Variants in TTN observed in about 807,000 individuals in gnomAD.
The protein encoded by TTN is connectin.
Under a neutral mutation model 3,223.0 loss-of-function variants are expected in TTN, and 1,525 were observed. The ratio of observed to expected loss-of-function variants is 0.47; its 90% confidence interval spans 0.45 to 0.49. The LOEUF (loss-of-function observed/expected upper bound fraction) is 0.49. Among genes scored for constraint, TTN ranks in the 20% least tolerant of loss-of-function variants. The pLI, the probability that TTN is intolerant of heterozygous loss-of-function variation, is 0.00. For synonymous variants in TTN, 14,094 were observed against 15,161.0 expected (o/e 0.93, Z 5.17); for missense variants, 40,786 against 43,424.0 (o/e 0.94, Z 5.40).
Position 178,552,599 on chromosome 2 carries a change from A to C in TTN, c.90301T>G (p.Phe30101Val). ...SQLKEQSVLE[F>V]RVFAKNEKGL... ...TTCTCATTTTTGGCAAACACTCTGA[A>C]CTCCAGGACTGACTGCTCCTTAAGT... The change falls in exon 335 of 363, where the codon TTC becomes GTC. Residue 30101 changes from phenylalanine (F) to valine (V), a missense_variant. By Grantham distance (50) the Phe-to-Val change is conservative. Transcript: ENST00000589042. The C allele has an allele frequency of 6.2e-7, 1 of 1,613,668 alleles. No individual in the cohort carries two copies.
rs1251542501 is a variant in TTN, at chr2:178,733,105, T to C, written c.16071A>G (p.Pro5357=). ...CGTTGCGCAAGGGTTTGGTAAAAAATGGAGCAATGTCTCGATCTGTGTGTT... is the reference window on the plus strand; with the variant it reads ...CGTTGCGCAAGGGTTTGGTAAAAAACGGAGCAATGTCTCGATCTGTGTGTT... The part of the protein sequence containing the change: ...TFTVLDRDIA[P]FFTKPLRNVD... Residue 5357 remains proline, a synonymous_variant, in exon 55 of 363, where the codon CCA becomes CCG. Transcript: ENST00000589042. 2 of 1,595,330 alleles carry C rather than the reference T, an allele frequency of 1.3e-6. No individual in the cohort carries two copies. The highest frequency in any genetic ancestry group is 1.7e-4 in the Middle Eastern group (1 of 5,970).
chr2:178,772,063 CA>C (rs762277319), intron 33 of TTN, among the ~76,000 whole-genome samples: 2 of 152,140 alleles, frequency 1.3e-5, no homozygotes, highest in African/African-American at 2.4e-5. Flanking sequence ...AGAAAAAAAT[CA>C]TTTCTTATTT....
chr2:178,638,131 A>T (rs1228021780), intron 223 of TTN, among the ~76,000 whole-genome samples: 1 of 151,968 alleles, frequency 6.6e-6, no homozygotes, highest in Admixed American at 6.6e-5. Flanking sequence ...TGAATAATAA[A>T]AGTACTACGT....
rs1323470679 is a variant in TTN at position 178,530,701 on chromosome 2, C to G, written c.105914G>C (p.Cys35305Ser). Reference sequence around the variant, plus strand: ...CCTTAATACACTGCTTTCAACCACACAGGTCAGTTTTGCAATCTCTTTAGA... The same window carrying G: ...CCTTAATACACTGCTTTCAACCACAGAGGTCAGTTTTGCAATCTCTTTAGA... Reference protein sequence around the residue: ...EASKEIAKLTCVVESSVLRAK... With the variant: ...EASKEIAKLTSVVESSVLRAK... Residue 35305 changes from cysteine to serine, a missense_variant, in exon 358 of 363, where the codon TGT becomes TCT. Transcript: ENST00000589042. 1.9e-6 allele frequency: 3 copies of G among 1,613,992 alleles called. No homozygotes were observed. In the South Asian group the frequency reaches 3.3e-5, roughly 18 times the overall value.
intron 2 of TTN, 103 bp downstream of exon 2, chr2:178,804,449 G>A: frequency 8.6e-7 from 1 of 1,161,114 alleles, no homozygotes; most frequent in Non-Finnish European, 1.3e-6. Context: ...ATTTTCCGAA[G>A]TGAAAGCAGG....
chr2:178,650,140 C>T, intron 210 of TTN, 24 bp downstream of exon 210: 12 of 1,526,384 alleles, frequency 7.9e-6, no homozygotes, highest in Non-Finnish European at 1.1e-5. Flanking sequence ...TGTATTTTCC[C>T]ATACAGTGGA....
Position 178,575,735 on chromosome 2 carries a change from C to G in TTN, c.70397G>C (p.Arg23466Pro). The G allele has an allele frequency of 6.2e-7, 1 of 1,613,516 alleles. No homozygotes were observed. Among genetic ancestry groups the G allele is most frequent in the Non-Finnish European group, 8.5e-7 (1 of 1,179,628 alleles). The stretch of plus-strand genomic sequence containing the variant: ...TTTCTCTACAATGTAGTTTGTTATA[C>G]GTGAGCCTCCATCTATCAGAGGGAG... ...WDLPLIDGGS[R>P]ITNYIVEKRE... Residue 23466 changes from arginine to proline, a missense_variant, in exon 326 of 363, where the codon CGT becomes CCT. By Grantham distance (103) the Arg-to-Pro change is moderately radical (BLOSUM62 -2). Coordinates refer to ENST00000589042, the MANE Select transcript of TTN (RefSeq NM_001267550.2). This position sits in a 1 kb window ranked among gnomAD's most constrained non-coding sequence, Gnocchi z 4.0.
At chr2:178,701,034 G>T in intron 111 of TTN, 86 bp downstream of exon 111, 1 of 1,231,484 alleles carries the variant, frequency 8.1e-7, no homozygotes, top group South Asian at 1.5e-5. Flanking sequence ...GACCACTAGA[G>T]GGCCAATGCG....
chr2:178,724,168 C>T, intron 72 of TTN, 25 bp from the exon 73 acceptor site: 1 of 1,591,240 alleles, frequency 6.3e-7, no homozygotes, highest in Non-Finnish European at 8.6e-7. Context: ...GTAAGAGACT[C>T]ATCATGATTT....
chr2:178,752,078 A>G, intron 47 of TTN: 1 of 1,560,344 alleles, frequency 6.4e-7, no homozygotes, highest in Non-Finnish European at 8.7e-7. Context: ...TTTTCCATAG[A>G]ACTTGAAAAA....
chr2:178,545,351 A>C, intron 344 of TTN, 37 bp downstream of exon 344: 1 of 1,503,584 alleles, frequency 6.7e-7, no homozygotes, highest in African/African-American at 1.4e-5. Flanking sequence ...TATAGTTTTG[A>C]GGAGCATTGT....
chr2:178,706,654 G>C lies in TTN; in HGVS notation c.29220C>G (p.Asn9740Lys), dbSNP rs371745586. Residue 9740 changes from asparagine to lysine, a missense_variant, in exon 102 of 363, where the codon AAC becomes AAG. Asn to Lys is a moderately conservative substitution (Grantham distance 94, BLOSUM62 0). Coordinates refer to ENST00000589042, the MANE Select transcript of TTN (RefSeq NM_001267550.2). ...GGTGGATGAAAACACGACCTCCTTGGTTCAGCTGTCTCCACTTCCCTTTTG... is the reference window on the plus strand; with the variant it reads ...GGTGGATGAAAACACGACCTCCTTGCTTCAGCTGTCTCCACTTCCCTTTTG... ...KWTKGKWRQLNQGGRVFIHQK... is the reference protein window; with the variant it reads ...KWTKGKWRQLKQGGRVFIHQK... 3 of 1,613,846 alleles carry C rather than the reference G, an allele frequency of 1.9e-6. No individual in the cohort carries two copies. Among genetic ancestry groups the C allele is most frequent in the Non-Finnish European group, 2.5e-6 (3 of 1,179,818 alleles).
rs3835919 is a variant in TTN at position 178,794,161 on chromosome 2, A to ATATAGCCCAGGTATTTCTGGCC, written c.1398+216_1398+237dup. On this transcript the variant is annotated intron_variant, in intron 8 of 362. Transcript: ENST00000589042. ...TACCATAGTTGACTTTTGCCTGCTC[A>ATATAGCCCAGGTATTTCTGGCC]TATAGCCCAGGTATTTCTGGCCTAC... 0.016 allele frequency among the ~76,000 whole-genome samples: 2,478 copies of ATATAGCCCAGGTATTTCTGGCC among 152,258 alleles called. 68 individuals are homozygous for ATATAGCCCAGGTATTTCTGGCC. Among genetic ancestry groups the ATATAGCCCAGGTATTTCTGGCC allele is most frequent in the East Asian group, 0.13 (650 of 5,166 alleles).
chr2:178,599,717 G>A lies in TTN; in HGVS notation c.56184C>T (p.Asn18728=). 3 of 1,612,980 alleles carry A rather than the reference G, an allele frequency of 1.9e-6. No individual in the cohort carries two copies. Among genetic ancestry groups the A allele is most frequent in the Non-Finnish European group, 2.5e-6 (3 of 1,179,330 alleles). ...GGGTGTCATAGAGAACAGGTTCTTTGTTATCAGGCTTCTTTGGAGGAGCTT... is the reference window on the plus strand; with the variant it reads ...GGGTGTCATAGAGAACAGGTTCTTTATTATCAGGCTTCTTTGGAGGAGCTT... The part of the protein sequence containing the change: ...WFKAPPKKPD[N]KEPVLYDTHV... The change falls in exon 289 of 363, where the codon AAC becomes AAT. Residue 18728 remains asparagine (N), a synonymous_variant. Coordinates refer to ENST00000589042, the MANE Select transcript of TTN (RefSeq NM_001267550.2).
In TTN at chr2:178,730,110, G is replaced by C; in HGVS notation, c.18290C>G (p.Ala6097Gly). 1 of 1,612,182 alleles carries C rather than the reference G, an allele frequency of 6.2e-7. No homozygotes were observed. Residue 6097 changes from alanine (A) to glycine (G), a missense_variant, in exon 62 of 363, where the codon GCC (alanine) becomes GGC (glycine). Coordinates refer to ENST00000589042, the MANE Select transcript of TTN (RefSeq NM_001267550.2). Reference sequence around the variant, plus strand: ...GACCAGACCTTTTACAAAGAGAGTGGCTTTGCTGGTTGCTGTGCCAACATC... The same window carrying C: ...GACCAGACCTTTTACAAAGAGAGTGCCTTTGCTGGTTGCTGTGCCAACATC... ...SNDVGTATSKATLFVKEPPQF... is the reference protein window; with the variant it reads ...SNDVGTATSKGTLFVKEPPQF...
rs765618372 is a variant in TTN, at chr2:178,776,136, C to T, written c.5728G>A (p.Val1910Met). Residue 1910 changes from valine to methionine, a missense_variant, in exon 28 of 363, where the codon GTG (valine) becomes ATG (methionine). Val to Met is a conservative substitution (Grantham distance 21, BLOSUM62 1). Coordinates refer to ENST00000589042, the MANE Select transcript of TTN (RefSeq NM_001267550.2). Reference sequence around the variant, plus strand: ...TCAGGATTTTCCGCGGTGACCTTCACTTCACCTGTGTCATATGATTTGCAG... The same window carrying T: ...TCAGGATTTTCCGCGGTGACCTTCATTTCACCTGTGTCATATGATTTGCAG... ...VDCKSYDTGE[V>M]KVTAENPEGV... The T allele has an allele frequency of 1.2e-6, 2 of 1,614,162 alleles. No homozygotes were observed. The highest frequency in any genetic ancestry group is 1.7e-6 in the Non-Finnish European group (2 of 1,179,998).
At chr2:178,748,778 TTA>T (rs1561000278) in intron 47 of TTN, 9 of 1,612,456 alleles carry the variant, frequency 5.6e-6, no homozygotes, top group Non-Finnish European at 8.5e-7. Context: ...GTCAAATTCT[TTA>T]TGAGTTTGAG....
rs1688294157 is a variant in TTN at position 178,529,886 on chromosome 2, A to AG, written c.106531+73dup. On this transcript the variant is annotated intron_variant, in intron 359 of 362. Transcript: ENST00000589042. ...TAATACTTTCTTGTATGTGTATATA[A>AG]GGGGGGATGTTTGAAAATATTTCCC... is the stretch of plus-strand genomic sequence containing the variant. 3 of 1,459,314 alleles carry AG rather than the reference A, an allele frequency of 2.1e-6. No individual in the cohort carries two copies. In the East Asian group the frequency reaches 7.0e-5, roughly 34 times the overall value. The allele number at this position is 1,459,314 out of a possible 1,614,324, so 90.4% of individuals were successfully genotyped here. A position where few individuals can be genotyped will look rare whatever the true frequency, so the allele number is the denominator to read the frequency against.
chr2:178,764,737 C>G lies in TTN; in HGVS notation c.9778G>C (p.Ala3260Pro). 6.2e-7 allele frequency: 1 copy of G among 1,614,064 alleles called. No individual in the cohort carries two copies. Among genetic ancestry groups the G allele is most frequent in the Admixed American group, 1.7e-5 (1 of 60,014 alleles). Residue 3260 changes from alanine to proline, a missense_variant, in exon 42 of 363, where the codon GCC becomes CCC. Ala to Pro is a conservative substitution (Grantham distance 27). Coordinates refer to ENST00000589042, the MANE Select transcript of TTN (RefSeq NM_001267550.2). Reference sequence around the variant, plus strand: ...GGCTGTGGTCTTCCGGATATCACGGCACAGAAGCGGGCAGGCTTGCCAGAC... The same window carrying G: ...GGCTGTGGTCTTCCGGATATCACGGGACAGAAGCGGGCAGGCTTGCCAGAC... Reference protein sequence around the residue: ...VQSGKPARFCAVISGRPQPKI... With the variant: ...VQSGKPARFCPVISGRPQPKI...
Sources: allele counts gnomAD v4.1 joint callset (sites outside exome capture counted in the v4.1 genomes callset), GRCh38; gene constraint gnomAD v4.1.1; non-coding constraint Gnocchi (gnomAD v3.1); transcripts MANE v1.5; gene names NCBI Gene and HGNC (gene_info 2026-07-23, HGNC 2026-07-21).